The following PTP4A3 variants were observed in gnomAD, a reference collection of about 807,000 sequenced individuals.
PTP4A3 encodes protein tyrosine phosphatase 4A3.
In PTP4A3, 9 loss-of-function variants were observed where a neutral mutation model predicts 15.2. The observed-to-expected ratio is 0.59, with a 90% CI of 0.36 to 1.03. PTP4A3 has a LOEUF of 1.03. Among genes scored for constraint, PTP4A3 ranks in the 50% least tolerant of loss-of-function variants. The pLI, the probability that PTP4A3 is intolerant of heterozygous loss-of-function variation, is 0.02. For synonymous variants in PTP4A3, 95 were observed against 102.0 expected (o/e 0.93, Z 0.41); for missense variants, 234 against 252.1 (o/e 0.93, Z 0.49).
intron 1 of PTP4A3, among the ~76,000 whole-genome samples, chr8:141,410,095 G>A (rs1336037083): frequency 4.6e-5 from 7 of 152,296 alleles, no homozygotes; most frequent in South Asian, 2.1e-4. Context: ...CGGTCACCGC[G>A]GTCACAGCCC....
rs980083985 is a variant in PTP4A3, at chr8:141,421,899, C to T, written c.-342C>T. Reference sequence around the variant, plus strand: ...TTTTGGTTGTTCTTTTTATTTTTTGCCTCTTTATGACTATCCAGCTCTGAG... The same window carrying T: ...TTTTGGTTGTTCTTTTTATTTTTTGTCTCTTTATGACTATCCAGCTCTGAG... On this transcript the variant is annotated 5_prime_UTR_variant, in exon 2 of 6. Transcript: ENST00000521578. 6.0e-5 allele frequency: 15 copies of T among 250,570 alleles called. No individual in the cohort carries two copies. Among genetic ancestry groups the T allele is most frequent in the African/African-American group, 3.4e-4 (15 of 44,638 alleles). The allele number at this position is 250,570 out of a possible 1,614,324, so 15.5% of individuals were successfully genotyped here. A position where few individuals can be genotyped will look rare whatever the true frequency, so the allele number is the denominator to read the frequency against.
At chr8:141,428,053 C>T (rs561160140) in intron 5 of PTP4A3, among the ~76,000 whole-genome samples, 14 of 152,224 alleles carry the variant, frequency 9.2e-5, no homozygotes, top group East Asian at 1.9e-4. Context: ...CGAGGCCACC[C>T]GCCACGCCGT....
intron 3 of PTP4A3, 127 bp from the exon 4 acceptor site, chr8:141,426,812 G>A: frequency 1.4e-6 from 2 of 1,447,376 alleles, no homozygotes; most frequent in Non-Finnish European, 9.2e-7. Flanking sequence ...CTCTGGGTCT[G>A]CTGCCCCCAC....
At chr8:141,420,511 G>T (rs772277108) in intron 1 of PTP4A3, among the ~76,000 whole-genome samples, 1 of 152,194 alleles carries the variant, frequency 6.6e-6, no homozygotes, top group Admixed American at 6.5e-5. Context: ...GCGTGGAGGT[G>T]CCTTGGGTTG....
chr8:141,431,386 A>G lies in PTP4A3; in HGVS notation c.*342A>G, dbSNP rs1360932010. The G allele has an allele frequency of 9.1e-6, 3 of 329,890 alleles. No homozygotes were observed. Among genetic ancestry groups the G allele is most frequent in the Non-Finnish European group, 1.7e-5 (3 of 180,418 alleles). The allele number at this position is 329,890 out of a possible 1,614,324, so 20.4% of individuals were successfully genotyped here. Reference sequence around the variant, plus strand: ...AGCCTGTTTGTTGTGGGGTGGGGGTATATTTTGTAACCACTGGGCCCCCAG... The same window carrying G: ...AGCCTGTTTGTTGTGGGGTGGGGGTGTATTTTGTAACCACTGGGCCCCCAG... On this transcript the variant is annotated 3_prime_UTR_variant, in exon 6 of 6. Coordinates refer to ENST00000521578, the MANE Select transcript of PTP4A3 (RefSeq NM_032611.3).
At chr8:141,398,955 T>C (rs1832517217) in intron 1 of PTP4A3, among the ~76,000 whole-genome samples, 1 of 152,054 alleles carries the variant, frequency 6.6e-6, no homozygotes, top group South Asian at 2.1e-4. Flanking sequence ...CGGGTGGCCC[T>C]GCCCTGTCCC....
intron 1 of PTP4A3, among the ~76,000 whole-genome samples, chr8:141,407,566 C>A (rs1586543174): frequency 8.1e-6 from 1 of 123,400 alleles, no homozygotes; most frequent in Admixed American, 7.9e-5. Context: ...CATAAACTTT[C>A]TATTTTTTTT....
At chr8:141,412,077 C>T (rs796095456) in intron 1 of PTP4A3, among the ~76,000 whole-genome samples, 8 of 152,338 alleles carry the variant, frequency 5.3e-5, no homozygotes, top group East Asian at 1.9e-4. Context: ...GGGCCTTCTC[C>T]GCCTTCCATG....
chr8:141,418,472 A>ACTCTCCTCTCCC (rs1291203195), intron 1 of PTP4A3, among the ~76,000 whole-genome samples: 2 of 152,142 alleles, frequency 1.3e-5, no homozygotes, highest in Non-Finnish European at 2.9e-5. Context: ...CTGGTGGAGA[A>ACTCTCCTCTCCC]TGTTCTCCCC....
At chr8:141,423,408 G>A (rs923050051) in intron 2 of PTP4A3, among the ~76,000 whole-genome samples, 32 of 152,360 alleles carry the variant, frequency 2.1e-4, no homozygotes, top group African/African-American at 7.7e-4. Flanking sequence ...CTGTAACCAA[G>A]GTCAGGTCTC....
rs547068324 is a variant in PTP4A3, at chr8:141,425,530, C to G, written c.198+390C>G. Among the ~76,000 whole-genome samples, 134 of 148,308 alleles carry G rather than the reference C, an allele frequency of 9.0e-4. No homozygotes were observed. Among genetic ancestry groups the G allele is most frequent in the Non-Finnish European group, 1.5e-3 (102 of 67,418 alleles). The stretch of plus-strand genomic sequence containing the variant: ...GGGCCCTGTTGCCAGGCAGCAGGCT[C>G]CTGGGGAGGGCCCTTGGGCAGTTTC... On this transcript the variant is annotated intron_variant, in intron 3 of 5. Transcript: ENST00000521578. This position sits in a 1 kb window ranked among gnomAD's most constrained non-coding sequence, Gnocchi z 4.2.
intron 1 of PTP4A3, among the ~76,000 whole-genome samples, chr8:141,418,896 T>TGG (rs1008597546): frequency 2.0e-5 from 3 of 152,092 alleles, no homozygotes; most frequent in African/African-American, 7.2e-5. Context: ...TTTTCTCCCT[T>TGG]GGGGGACAGC....
chr8:141,418,163 C>G (rs958860358), intron 1 of PTP4A3, among the ~76,000 whole-genome samples: 2 of 152,164 alleles, frequency 1.3e-5, no homozygotes, highest in African/African-American at 2.4e-5. Context: ...ACGACCCCAC[C>G]CGCGACTGGT....
At chr8:141,396,239 G>C (rs1025588133) in intron 1 of PTP4A3, among the ~76,000 whole-genome samples, 5 of 152,226 alleles carry the variant, frequency 3.3e-5, no homozygotes, top group African/African-American at 9.6e-5. Context: ...CTTCATCCTA[G>C]AGGATTGAGA....
rs578235281 is a variant in PTP4A3, at chr8:141,431,312, G to A, written c.*268G>A. ...TGGCTCTGTCTCTCTGAGGTGGGTCGGGCGCCCTCTGCCCGCCCCCTCCCA... is the reference window on the plus strand; with the variant it reads ...TGGCTCTGTCTCTCTGAGGTGGGTCAGGCGCCCTCTGCCCGCCCCCTCCCA... On this transcript the variant is annotated 3_prime_UTR_variant, in exon 6 of 6. Coordinates refer to ENST00000521578, the MANE Select transcript of PTP4A3 (RefSeq NM_032611.3). The A allele has an allele frequency of 2.9e-4, 152 of 528,368 alleles. No homozygotes were observed. The highest frequency in any genetic ancestry group is 2.5e-3 in the African/African-American group (131 of 52,302). The allele number at this position is 528,368 out of a possible 1,614,324, so 32.7% of individuals were successfully genotyped here.
At chr8:141,417,278 CA>C (rs1345583059) in intron 1 of PTP4A3, among the ~76,000 whole-genome samples, 1 of 152,138 alleles carries the variant, frequency 6.6e-6, no homozygotes, top group Non-Finnish European at 1.5e-5. Context: ...GTTTCCTCAC[CA>C]GTACGCTAGG....
chr8:141,419,588 T>TTTG (rs1833230703), intron 1 of PTP4A3, among the ~76,000 whole-genome samples: 1 of 142,276 alleles, frequency 7.0e-6, no homozygotes, highest in African/African-American at 2.7e-5. Context: ...TTTTTTTTTT[T>TTTG]GAGACGGAGT....
chr8:141,427,671 T>C, intron 4 of PTP4A3, 79 bp from the exon 5 acceptor site: 1 of 1,310,924 alleles, frequency 7.6e-7, no homozygotes. Context: ...CCCCGTGCCC[T>C]GCATCTTCAG....
At chr8:141,402,036 C>G (rs560841566) in intron 1 of PTP4A3, among the ~76,000 whole-genome samples, 1 of 152,294 alleles carries the variant, frequency 6.6e-6, no homozygotes, top group African/African-American at 2.4e-5. Context: ...ACAAGCCACC[C>G]TGGGTCGGGG....
Sources: allele counts gnomAD v4.1 joint callset (sites outside exome capture counted in the v4.1 genomes callset), GRCh38; gene constraint gnomAD v4.1.1; non-coding constraint Gnocchi (gnomAD v3.1); transcripts MANE v1.5; gene names NCBI Gene and HGNC (gene_info 2026-07-23, HGNC 2026-07-21).